SNX24: variants seen among roughly 807,000 people sequenced by gnomAD.
The protein encoded by SNX24 is sorting nexin-24.
A neutral mutation model predicts 28.7 loss-of-function variants in SNX24; 22 were observed. The observed-to-expected ratio is 0.77, with a 90% CI of 0.55 to 1.10. The LOEUF is 1.10. SNX24 is among the 50% of genes least tolerant of loss of function. The probability of loss-of-function intolerance (pLI) is 0.00; values close to 1 mark genes in which losing one functional copy is unlikely to be tolerated. For missense variants in SNX24, 221 were observed against 201.1 expected (o/e 1.10, Z -0.60); for synonymous variants, 69 against 71.5 (o/e 0.96, Z 0.18).
intron 1 of SNX24, among the ~76,000 whole-genome samples, chr5:122,916,921 T>A (rs1253160598): frequency 6.6e-6 from 1 of 152,202 alleles, no homozygotes; most frequent in Non-Finnish European, 1.5e-5. Flanking sequence ...TTAATTCTGT[T>A]ATTGAGATCT....
chr5:122,885,557 A>ATGG (rs1756671259), intron 1 of SNX24, among the ~76,000 whole-genome samples: 1 of 38,656 alleles, frequency 2.6e-5, no homozygotes, highest in African/African-American at 1.5e-4. Flanking sequence ...TTATATCTCT[A>ATGG]AGGAATTTGG....
intron 1 of SNX24, among the ~76,000 whole-genome samples, chr5:122,855,311 G>C (rs1211372357): frequency 6.6e-6 from 1 of 152,068 alleles, no homozygotes; most frequent in Non-Finnish European, 1.5e-5. Context: ...CTCGTGATCT[G>C]CTCGCCTCAG....
At chr5:122,899,826 C>T (rs2150078170) in intron 1 of SNX24, among the ~76,000 whole-genome samples, 1 of 152,292 alleles carries the variant, frequency 6.6e-6, no homozygotes, top group Non-Finnish European at 1.5e-5. Context: ...AGTGTATGCT[C>T]TTGTGGGGAT....
chr5:122,934,217 G>A (rs1304058941), intron 1 of SNX24, among the ~76,000 whole-genome samples: 2 of 152,120 alleles, frequency 1.3e-5, no homozygotes, highest in African/African-American at 4.8e-5. Context: ...GCCACCTCAC[G>A]AGGTGCCTAA....
At chr5:122,957,582 G>A (rs1024413563) in intron 3 of SNX24, among the ~76,000 whole-genome samples, 9 of 152,120 alleles carry the variant, frequency 5.9e-5, no homozygotes, top group Non-Finnish European at 1.0e-4. Flanking sequence ...AATTTTAATA[G>A]GGATTGCCTT....
intron 2 of SNX24, among the ~76,000 whole-genome samples, chr5:122,940,993 C>T (rs994914587): frequency 2.0e-5 from 3 of 152,188 alleles, no homozygotes; most frequent in South Asian, 2.1e-4. Context: ...CTAGCAGTCA[C>T]TCCACTTCAG....
chr5:122,932,150 C>T (rs1486100675), intron 1 of SNX24, among the ~76,000 whole-genome samples: 1 of 152,134 alleles, frequency 6.6e-6, no homozygotes, highest in Non-Finnish European at 1.5e-5. Flanking sequence ...AATTTGAATT[C>T]TATTGACTTA....
downstream of SNX24, among the ~76,000 whole-genome samples, chr5:123,013,374 C>G (rs576135616): frequency 6.6e-6 from 1 of 152,186 alleles, no homozygotes; most frequent in Non-Finnish European, 1.5e-5. Context: ...TCTCTCTACT[C>G]CTTGCAAGTA....
intron 1 of SNX24, among the ~76,000 whole-genome samples, chr5:122,913,462 G>A (rs1197877626): frequency 2.0e-5 from 3 of 152,116 alleles, no homozygotes; most frequent in African/African-American, 4.8e-5. Context: ...CCTCCCTTCC[G>A]GACGGGGTGG....
chr5:122,852,086 A>T (rs1440060260), intron 1 of SNX24, among the ~76,000 whole-genome samples: 1 of 150,936 alleles, frequency 6.6e-6, no homozygotes, highest in Non-Finnish European at 1.5e-5. Context: ...GTGTGTGTGT[A>T]TAAATATATA....
At chr5:122,869,436 T>C (rs1247234369) in intron 1 of SNX24, among the ~76,000 whole-genome samples, 3 of 152,256 alleles carry the variant, frequency 2.0e-5, no homozygotes, top group Non-Finnish European at 4.4e-5. Flanking sequence ...GTACATTTGA[T>C]TTATATTGAC....
intron 5 of SNX24, among the ~76,000 whole-genome samples, chr5:123,020,315 A>G (rs1421203226): frequency 6.6e-6 from 1 of 152,254 alleles, no homozygotes; most frequent in Non-Finnish European, 1.5e-5. Flanking sequence ...AAGTAAAACT[A>G]TAGTTAAAAA....
At chr5:123,025,953 C>T (rs774020150) in intron 5 of SNX24, 1 of 1,601,422 alleles carries the variant, frequency 6.2e-7, no homozygotes, top group Non-Finnish European at 8.5e-7. Flanking sequence ...AAATGTCTCA[C>T]CATAGATGCT....
At chr5:122,926,638 T>C (rs1227839629) in intron 1 of SNX24, among the ~76,000 whole-genome samples, 12 of 151,042 alleles carry the variant, frequency 7.9e-5, no homozygotes. Flanking sequence ...ATTGCCTGTT[T>C]AAGAACTGTT....
At chr5:122,857,983 A>G (rs577260170) in intron 1 of SNX24, among the ~76,000 whole-genome samples, 119 of 152,232 alleles carry the variant, frequency 7.8e-4, no homozygotes, top group African/African-American at 2.5e-3. Flanking sequence ...GGGTTTCACC[A>G]TGTTGGTCAG....
At chr5:122,986,041 G>A (rs1761590180) in intron 3 of SNX24, among the ~76,000 whole-genome samples, 1 of 152,180 alleles carries the variant, frequency 6.6e-6, no homozygotes, top group Non-Finnish European at 1.5e-5. Context: ...TGGAAGAGGA[G>A]CTCCAGAGGA....
At chr5:122,930,502 T>C (rs246316) in intron 1 of SNX24, among the ~76,000 whole-genome samples, 117,103 of 152,178 alleles carry the variant, frequency 0.77, 45,936 homozygotes, top group East Asian at 0.99. Context: ...TGCTTCTGTA[T>C]ATTAGAAGTG....
intron 1 of SNX24, among the ~76,000 whole-genome samples, chr5:122,850,386 C>T (rs1318071780): frequency 6.6e-6 from 1 of 152,116 alleles, no homozygotes; most frequent in African/African-American, 2.4e-5. Context: ...TCCCAGAGGC[C>T]TTACCATCTA....
In SNX24 at chr5:122,845,691, A is replaced by G; in HGVS notation, c.58A>G (p.Thr20Ala). The change falls in exon 1 of 7, where the codon ACG (threonine) becomes GCG (alanine). Residue 20 changes from threonine (T) to alanine (A), a missense_variant and splice_region_variant. Coordinates refer to ENST00000261369, the MANE Select transcript of SNX24 (RefSeq NM_014035.4). ...AGAGAGCGACCTGGAGCGGGGATACACGGTAGGCGCGGGCCGCGGGCGGAC... is the reference window on the plus strand; with the variant it reads ...AGAGAGCGACCTGGAGCGGGGATACGCGGTAGGCGCGGGCCGCGGGCGGAC... ...YEESDLERGY[T>A]VFKIEVLMNG... 7.1e-7 allele frequency: 1 copy of G among 1,405,892 alleles called. No homozygotes were observed. Among genetic ancestry groups the G allele is most frequent in the Non-Finnish European group, 9.4e-7 (1 of 1,068,926 alleles). The allele number at this position is 1,405,892 out of a possible 1,614,324, so 87.1% of individuals were successfully genotyped here.
Sources: allele counts gnomAD v4.1 joint callset (sites outside exome capture counted in the v4.1 genomes callset), GRCh38; gene constraint gnomAD v4.1.1; transcripts MANE v1.5; gene names NCBI Gene and HGNC (gene_info 2026-07-23, HGNC 2026-07-21).